Variants in CNTRL observed in about 807,000 individuals in gnomAD.
CNTRL encodes the protein centriolin, also known as 110 kDa centrosomal protein.
CNTRL carries 233 observed loss-of-function variants against 303.7 expected under a neutral mutation model. The observed-to-expected ratio is 0.77, with a 90% CI of 0.69 to 0.86. The LOEUF (loss-of-function observed/expected upper bound fraction) is 0.86. Among genes scored for constraint, CNTRL ranks in the 40% least tolerant of loss-of-function variants. The pLI is 0.00. For missense variants in CNTRL, 2,524 were observed against 2,650.6 expected, an observed-to-expected ratio of 0.95 and a Z score of 1.05; for synonymous variants, 900 against 922.2, an observed-to-expected ratio of 0.98 and a Z score of 0.44.
chr9:121,147,611 A>G (rs1342415652), intron 23 of CNTRL, among the ~76,000 whole-genome samples: 1 of 152,098 alleles, frequency 6.6e-6, no homozygotes, highest in African/African-American at 2.4e-5. Flanking sequence ...GGAAGTGAGG[A>G]GAAGACTGGG....
chr9:121,130,864 T>C (rs2050814224), intron 14 of CNTRL, among the ~76,000 whole-genome samples: 1 of 152,248 alleles, frequency 6.6e-6, no homozygotes, highest in Non-Finnish European at 1.5e-5. Flanking sequence ...AGAACATCTT[T>C]ATTTCTGCCT....
intron 7 of CNTRL, among the ~76,000 whole-genome samples, chr9:121,105,900 A>T (rs1056454766): frequency 1.3e-5 from 2 of 152,138 alleles, no homozygotes; most frequent in Admixed American, 1.3e-4. Flanking sequence ...CTCTTGTAGT[A>T]CTTAATAAAT....
rs73660408 is a variant in CNTRL at position 121,141,595 on chromosome 9, C to A, written c.2691+7C>A. 723 of 1,613,448 alleles carry A rather than the reference C, an allele frequency of 4.5e-4. 3 individuals are homozygous for A. In the African/African-American group the frequency reaches 8.9e-3, roughly 20 times the overall value. On this transcript the variant is annotated splice_region_variant and intron_variant, in intron 18 of 43. Coordinates refer to ENST00000373855, the MANE Select transcript of CNTRL (RefSeq NM_007018.6). ...GAGAGCCCTGGAAGCAAGAGTAAGA[C>A]AAGGGCAAGAGGCACCTGGAGGGAA...
intron 39 of CNTRL, among the ~76,000 whole-genome samples, chr9:121,170,520 A>G (rs2053262276): frequency 6.6e-6 from 1 of 151,680 alleles, no homozygotes; most frequent in South Asian, 2.1e-4. Context: ...CAGTGGCATG[A>G]TCTCAGTTCA....
rs185668961 is a variant in CNTRL at position 121,082,918 on chromosome 9, C to T, written c.-32+2440C>T. On this transcript the variant is annotated intron_variant, in intron 2 of 43. Coordinates refer to ENST00000373855, the MANE Select transcript of CNTRL (RefSeq NM_007018.6). ...CCAGGAGGTGGAGGTTTCAGTGAGC[C>T]GAGATCGTGCCACTGCACACCAGCC... is the stretch of plus-strand genomic sequence containing the variant. Among the ~76,000 whole-genome samples the T allele has an allele frequency of 1.0e-4, 15 of 143,284 alleles. No individual in the cohort carries two copies. In the East Asian group the frequency reaches 2.5e-3, roughly 23 times the overall value. 94.0% of individuals were successfully genotyped at this position (143,284 alleles called of 152,430 possible).
rs201568346 is a variant in CNTRL, at chr9:121,145,237, T to G, written c.3169-7T>G. On this transcript the variant is annotated splice_polypyrimidine_tract_variant and splice_region_variant and intron_variant, in intron 21 of 43. Coordinates refer to ENST00000373855, the MANE Select transcript of CNTRL (RefSeq NM_007018.6). Reference sequence around the variant, plus strand: ...GGCAACTTTGTATGTGTAATTTTTTTAAATAGTTTCGACTTGAGATGGAGA... The same window carrying G: ...GGCAACTTTGTATGTGTAATTTTTTGAAATAGTTTCGACTTGAGATGGAGA... The G allele has an allele frequency of 6.3e-7, 1 of 1,598,768 alleles. No individual in the cohort carries two copies. Among genetic ancestry groups the G allele is most frequent in the Non-Finnish European group, 8.5e-7 (1 of 1,175,880 alleles).
chr9:121,100,272 T>G (rs371491149), intron 7 of CNTRL, among the ~76,000 whole-genome samples: 3 of 152,156 alleles, frequency 2.0e-5, no homozygotes, highest in Admixed American at 6.5e-5. Context: ...TTAAAGAAAA[T>G]AATTTTCAAC....
In CNTRL at chr9:121,077,462, C is replaced by T. The variant is rs537611698; in HGVS notation, c.-205+2395C>T. Among the ~76,000 whole-genome samples, 30 of 152,302 alleles carry T rather than the reference C, an allele frequency of 2.0e-4. No individual in the cohort carries two copies. The South Asian group carries it at 3.7e-3, about 19-fold the overall frequency. Reference sequence around the variant, plus strand: ...CAAACACTGTAAACCCCTAAGCCCACTTCACTGAGTTAGCTATTCTCTGAG... The same window carrying T: ...CAAACACTGTAAACCCCTAAGCCCATTTCACTGAGTTAGCTATTCTCTGAG... On this transcript the variant is annotated intron_variant, in intron 1 of 43. Transcript: ENST00000373855.
At position 121,161,928 on chromosome 9, in the gene CNTRL, A is replaced by G; in HGVS notation, c.5162A>G (p.Gln1721Arg). 1 of 1,614,212 alleles carries G rather than the reference A, an allele frequency of 6.2e-7. No homozygotes were observed. Among genetic ancestry groups the G allele is most frequent in the Non-Finnish European group, 8.5e-7 (1 of 1,180,028 alleles). The change falls in exon 33 of 44, where the codon CAA becomes CGA. Residue 1721 changes from glutamine to arginine, a missense_variant. By Grantham distance (43) the Gln-to-Arg change is conservative. Coordinates refer to ENST00000373855, the MANE Select transcript of CNTRL (RefSeq NM_007018.6). Reference protein sequence around the residue: ...ELQGLKLQHDQRVSELEKTQV... With the variant: ...ELQGLKLQHDRRVSELEKTQV... ...CAAGGTTTGAAGCTACAACATGACC[A>G]AAGGGTATCTGAATTAGAGAAGACT...
chr9:121,175,531 A>T (rs573410687), intron 43 of CNTRL, among the ~76,000 whole-genome samples: 88 of 152,322 alleles, frequency 5.8e-4, no homozygotes, highest in Non-Finnish European at 9.6e-4. Flanking sequence ...GGCCTCCCAA[A>T]ATGCTGGGAT....
rs570909387 is a variant in CNTRL, at chr9:121,105,254, C to T, written c.809-2548C>T. Among the ~76,000 whole-genome samples, 16 of 152,184 alleles carry T rather than the reference C, an allele frequency of 1.1e-4. No homozygotes were observed. In the South Asian group the frequency reaches 2.9e-3, roughly 28 times the overall value. ...ACGTTTATGGCCTGTAGTTAACATG[C>T]TGGATGTGGAAATGAAAGATAGATG... On this transcript the variant is annotated intron_variant, in intron 7 of 43. Transcript: ENST00000373855.
intron 2 of CNTRL, among the ~76,000 whole-genome samples, chr9:121,086,852 C>T (rs1415098073): frequency 1.3e-5 from 2 of 152,032 alleles, no homozygotes; most frequent in South Asian, 2.1e-4. Flanking sequence ...GGGGTTTTGC[C>T]ATGTTGGCCA....
In CNTRL at chr9:121,162,054, G is replaced by T. The variant is rs771346142; in HGVS notation, c.5206G>T (p.Glu1736Ter). Residue 1736 changes from glutamate (E) to a stop codon, truncating the protein, a stop_gained and splice_region_variant, in exon 34 of 44, where the codon GAG becomes TAG. Coordinates refer to ENST00000373855, the MANE Select transcript of CNTRL (RefSeq NM_007018.6). LOFTEE classifies it high-confidence loss of function. ...TTGAGTCCTCTTTTATCTGATTTAG[G>T]AGAAACTGGAGTTAGAGAATTTGCA... is the stretch of plus-strand genomic sequence containing the variant. ...LEKTQVAVLE[E>*]KLELENLQQI... is the part of the protein sequence containing the mutation. 8.7e-6 allele frequency: 14 copies of T among 1,614,114 alleles called. No individual in the cohort carries two copies. The South Asian group carries it at 1.1e-4, about 13-fold the overall frequency.
chr9:121,154,596 A>G (rs3736853), intron 26 of CNTRL, 125 bp from the exon 27 acceptor site: 28,916 of 598,056 alleles, frequency 0.048, 2,290 homozygotes, highest in African/African-American at 0.22. Context: ...CAAATGTAGC[A>G]GTCTTTCTTA....
rs752882482 is a variant in CNTRL at position 121,144,045 on chromosome 9, A to G, written c.3014A>G (p.His1005Arg). 1.9e-6 allele frequency: 3 copies of G among 1,613,602 alleles called. 1 individual carries two copies. In the South Asian group the frequency reaches 3.3e-5, roughly 18 times the overall value. ...TIAKDQLKSL[H>R]GTVMKINQER... The stretch of plus-strand genomic sequence containing the variant: ...GCCAAAGACCAGCTGAAGTCCCTTC[A>G]TGGAACTGTTATGAAAATTAACCAG... Residue 1005 changes from histidine to arginine, a missense_variant, in exon 20 of 44, where the codon CAT (histidine) becomes CGT (arginine). By Grantham distance (29) the His-to-Arg change is conservative. Transcript: ENST00000373855.
chr9:121,100,141 G>A (rs1465179005), intron 7 of CNTRL, among the ~76,000 whole-genome samples: 1 of 152,208 alleles, frequency 6.6e-6, no homozygotes, highest in African/African-American at 2.4e-5. Context: ...AGGAAAAAAT[G>A]TTAAGGGCAG....
intron 40 of CNTRL, 83 bp from the exon 41 acceptor site, chr9:121,173,160 A>T: frequency 8.0e-7 from 1 of 1,255,984 alleles, no homozygotes; most frequent in Non-Finnish European, 1.1e-6. Context: ...ATAGATCTTT[A>T]AATACATGGC....
At chr9:121,111,123 T>G (rs1017352302) in intron 8 of CNTRL, 1 of 152,152 alleles carries the variant, frequency 6.6e-6, no homozygotes, top group Non-Finnish European at 1.5e-5. Context: ...CGGAGACTTA[T>G]GATCATTCAG....
chr9:121,077,953 A>G (rs910668588), intron 1 of CNTRL, among the ~76,000 whole-genome samples: 4 of 151,066 alleles, frequency 2.6e-5, no homozygotes, highest in African/African-American at 7.3e-5. Flanking sequence ...CTCAGGGGGG[A>G]AAAAAACGCC....
Sources: gnomAD v4.1 joint callset for allele counts (sites outside exome capture counted in the v4.1 genomes callset) on GRCh38, gnomAD v4.1.1 for gene constraint, MANE v1.5 for transcripts, NCBI Gene and HGNC (gene_info 2026-07-23, HGNC 2026-07-21) for gene names.